CYP4F11: variants seen among roughly 807,000 people sequenced by gnomAD.
CYP4F11 encodes the protein cytochrome P450 4F11.
CYP4F11 carries 79 observed loss-of-function variants against 62.2 expected under a neutral mutation model. That is an observed-to-expected ratio of 1.27 (90% CI 1.06 to 1.53). The LOEUF (loss-of-function observed/expected upper bound fraction) is 1.53, where lower values mean the gene tolerates loss of function less well. Among genes scored for constraint, CYP4F11 ranks in the 40% most tolerant of loss-of-function variants. The pLI is 0.00. For synonymous variants in CYP4F11, 290 were observed against 263.7 expected (o/e 1.10, Z -0.97); for missense variants, 777 against 680.5 (o/e 1.14, Z -1.58).
intron 4 of CYP4F11, among the ~76,000 whole-genome samples, chr19:15,926,961 T>C (rs536468374): frequency 6.6e-6 from 1 of 152,370 alleles, no homozygotes; most frequent in African/African-American, 2.4e-5. Flanking sequence ...ATCTTTACTC[T>C]CTTGAGTTTG....
rs2089757682 is a variant in CYP4F11 at position 15,934,234 on chromosome 19, A to G, written c.175T>C (p.Trp59Arg). ...QCFPQPPKQN[W>R]FWGHQGLVTP... The stretch of plus-strand genomic sequence containing the variant: ...ACCAGGCCCTGGTGTCCCCAAAACC[A>G]GTTCTGTTTCGGGGGTTGAGGAAAA... The change falls in exon 1 of 12, where the codon TGG (tryptophan) becomes CGG (arginine). Residue 59 changes from tryptophan to arginine, a missense_variant. Coordinates refer to ENST00000402119, the MANE Select transcript of CYP4F11 (RefSeq NM_021187.4). 1 of 1,613,482 alleles carries G rather than the reference A, an allele frequency of 6.2e-7. No homozygotes were observed. Among genetic ancestry groups the G allele is most frequent in the South Asian group, 1.1e-5 (1 of 91,030 alleles).
intron 6 of CYP4F11, among the ~76,000 whole-genome samples, chr19:15,923,402 A>C (rs2145047367): frequency 6.6e-6 from 1 of 152,214 alleles, no homozygotes; most frequent in East Asian, 1.9e-4. Context: ...GTGTATTTAC[A>C]GGTAAAAACA....
At chr19:15,920,232 A>G (rs1342437091) in intron 8 of CYP4F11, among the ~76,000 whole-genome samples, 1 of 152,190 alleles carries the variant, frequency 6.6e-6, no homozygotes, top group Non-Finnish European at 1.5e-5. Flanking sequence ...TAAAAAACAA[A>G]CTCATTTTCT....
At chr19:15,927,608 GC>G in intron 2 of CYP4F11, 125 bp from the exon 3 acceptor site, 1 of 1,311,058 alleles carries the variant, frequency 7.6e-7, no homozygotes, top group African/African-American at 1.5e-5. Context: ...CAGGAAGAAG[GC>G]CAAGGGTAGA....
At position 15,929,591 on chromosome 19, in the gene CYP4F11, G is replaced by C; in HGVS notation, c.209C>G (p.Thr70Arg). 1 of 1,600,460 alleles carries C rather than the reference G, an allele frequency of 6.2e-7. No homozygotes were observed. Among genetic ancestry groups the C allele is most frequent in the Non-Finnish European group, 8.5e-7 (1 of 1,172,210 alleles). The change falls in exon 2 of 12, where the codon ACG (threonine) becomes AGG (arginine). Residue 70 changes from threonine to arginine, a missense_variant. By Grantham distance (71) the Thr-to-Arg change is moderately conservative (BLOSUM62 -1). Transcript: ENST00000402119. ...FWGHQGLVTP[T>R]EEGMKTLTQL... is the part of the protein sequence containing the mutation. The stretch of plus-strand genomic sequence containing the variant: ...GGTCAATGTCTTCATGCCCTCTTCC[G>C]TGGGAGTGACCTGAAAACAAGGCAG...
intron 6 of CYP4F11, 132 bp downstream of exon 6, chr19:15,923,680 T>C (rs2089646310): frequency 7.8e-7 from 1 of 1,280,858 alleles, no homozygotes; most frequent in Non-Finnish European, 1.1e-6. Context: ...CTCTCAAACC[T>C]ATCTCTGACC....
rs757838051 is a variant in CYP4F11, at chr19:15,927,270, T to C, written c.467A>G (p.His156Arg). The C allele has an allele frequency of 6.2e-7, 1 of 1,614,102 alleles. No individual in the cohort carries two copies. The highest frequency in any genetic ancestry group is 1.3e-5 in the African/African-American group (1 of 75,000). The change falls in exon 4 of 12, where the codon CAT (histidine) becomes CGT (arginine). Residue 156 changes from histidine to arginine, a missense_variant. Coordinates refer to ENST00000402119, the MANE Select transcript of CYP4F11 (RefSeq NM_021187.4). ...CATATAAGGCTTCAAGATGTTGAAA[T>C]GGAAGGCAGGCGTCAACATCCGACG... is the stretch of plus-strand genomic sequence containing the variant. Reference protein sequence around the residue: ...RHRRMLTPAFHFNILKPYMKI... With the variant: ...RHRRMLTPAFRFNILKPYMKI...
At chr19:15,916,208 T>C (rs1406849823) in intron 8 of CYP4F11, among the ~76,000 whole-genome samples, 1 of 152,152 alleles carries the variant, frequency 6.6e-6, no homozygotes, top group African/African-American at 2.4e-5. Flanking sequence ...CAATCACATA[T>C]TCAAGTCAAA....
rs750569824 is a variant in CYP4F11, at chr19:15,922,058, C to G, written c.1094G>C (p.Arg365Pro). ...TCACCATTCAATCTCTATAGGTTCACGGTCCTTCAGAAGCTCTTGCACTTC... is the reference window on the plus strand; with the variant it reads ...TCACCATTCAATCTCTATAGGTTCAGGGTCCTTCAGAAGCTCTTGCACTTC... ...RQEVQELLKD[R>P]EPIEIEWDDL... is the part of the protein sequence containing the mutation. The change falls in exon 8 of 12, where the codon CGT becomes CCT. Residue 365 changes from arginine to proline, a missense_variant. Coordinates refer to ENST00000402119, the MANE Select transcript of CYP4F11 (RefSeq NM_021187.4). The G allele has an allele frequency of 6.2e-7, 1 of 1,611,592 alleles. No individual in the cohort carries two copies. The highest frequency in any genetic ancestry group is 8.5e-7 in the Non-Finnish European group (1 of 1,178,636).
intron 6 of CYP4F11, among the ~76,000 whole-genome samples, chr19:15,922,891 T>TAA (rs11451979): frequency 5.3e-4 from 79 of 149,922 alleles, no homozygotes; most frequent in East Asian, 5.9e-4. Flanking sequence ...CCGTCCCTAC[T>TAA]AAAAAAAAAA....
At chr19:15,915,008 G>A (rs970489476) in intron 8 of CYP4F11, 113 bp from the exon 9 acceptor site, 68 of 1,468,974 alleles carry the variant, frequency 4.6e-5, no homozygotes, top group Non-Finnish European at 6.1e-5. Context: ...ATTCCACATG[G>A]ATGAAATACT....
rs1306585063 is a variant in CYP4F11 at position 15,922,449 on chromosome 19, A to C, written c.919-19T>G. 1 of 1,613,396 alleles carries C rather than the reference A, an allele frequency of 6.2e-7. No homozygotes were observed. The highest frequency in any genetic ancestry group is 1.7e-5 in the Admixed American group (1 of 60,024). On this transcript the variant is annotated intron_variant, in intron 6 of 11. Transcript: ENST00000402119. ...CTTCATCCTGGAGAGAAGGCAAGAC[A>C]ATATCCCTGCCCCAAATCACACCAG...
At position 15,927,353 on chromosome 19, in the gene CYP4F11, C is replaced by G; in HGVS notation, c.398-14G>C. On this transcript the variant is annotated splice_polypyrimidine_tract_variant and intron_variant, in intron 3 of 11. Transcript: ENST00000402119. The stretch of plus-strand genomic sequence containing the variant: ...GGAGCCCATCCCCTGGCAGGGCAAC[C>G]AAGGACAGTGGTCAAGGGCAGCACC... 6.2e-7 allele frequency: 1 copy of G among 1,613,748 alleles called. No individual in the cohort carries two copies. Among genetic ancestry groups the G allele is most frequent in the Non-Finnish European group, 8.5e-7 (1 of 1,179,916 alleles).
chr19:15,919,051 T>G (rs2089602744), intron 8 of CYP4F11, among the ~76,000 whole-genome samples: 1 of 150,328 alleles, frequency 6.7e-6, no homozygotes, highest in African/African-American at 2.4e-5. Flanking sequence ...GAAATACATA[T>G]TTCTATGTAT....
chr19:15,934,592 A>G (rs765144734), upstream of CYP4F11: 6 of 642,928 alleles, frequency 9.3e-6, no homozygotes, highest in Non-Finnish European at 1.5e-5. Context: ...CCAGCAGCCA[A>G]GTGGCCTCCA....
In CYP4F11 at chr19:15,914,621, G is replaced by T; in HGVS notation, c.1295C>A (p.Thr432Asn). ...INIIGIHYNP[T>N]VWPDPEVYDP... Reference sequence around the variant, plus strand: ...CACTACCTCAGGGTCTGGCCACACAGTTGGGTTGTAATGGATCCCGATAAT... The same window carrying T: ...CACTACCTCAGGGTCTGGCCACACATTTGGGTTGTAATGGATCCCGATAAT... Residue 432 changes from threonine to asparagine, a missense_variant, in exon 10 of 12, where the codon ACT becomes AAT. Thr to Asn is a moderately conservative substitution (Grantham distance 65). Transcript: ENST00000402119. 6.2e-7 allele frequency: 1 copy of T among 1,614,212 alleles called. No individual in the cohort carries two copies. Among genetic ancestry groups the T allele is most frequent in the Non-Finnish European group, 8.5e-7 (1 of 1,180,024 alleles).
At chr19:15,930,160 C>T (rs73524933) in intron 1 of CYP4F11, among the ~76,000 whole-genome samples, 2,562 of 152,232 alleles carry the variant, frequency 0.017, 64 homozygotes, top group African/African-American at 0.058. Context: ...ACCTCCCCAC[C>T]AGGAGCCACA....
upstream of CYP4F11, chr19:15,934,636 A>T (rs1599385707): frequency 5.9e-6 from 3 of 504,482 alleles, no homozygotes; most frequent in South Asian, 8.4e-5. Context: ...AGAGAGGCTG[A>T]TTAGAATCCA....
rs759347393 is a variant in CYP4F11 at position 15,922,157 on chromosome 19, G to T, written c.995C>A (p.Thr332Asn). 62 of 1,612,212 alleles carry T rather than the reference G, an allele frequency of 3.8e-5. No homozygotes were observed. The South Asian group carries it at 6.5e-4, about 17-fold the overall frequency. The change falls in exon 8 of 12, where the codon ACT (threonine) becomes AAT (asparagine). Residue 332 changes from threonine to asparagine, a missense_variant. Transcript: ENST00000402119. Reference sequence around the variant, plus strand: ...GACCCAGGAGAGACCACTGGCTGTAGTGTCATGGCCTGAGGGGCAGCCAAG... The same window carrying T: ...GACCCAGGAGAGACCACTGGCTGTATTGTCATGGCCTGAGGGGCAGCCAAG... The part of the protein sequence containing the change: ...ADTFMFEGHD[T>N]TASGLSWVLY...
Sources: gnomAD v4.1 joint callset for allele counts (sites outside exome capture counted in the v4.1 genomes callset) on GRCh38, gnomAD v4.1.1 for gene constraint, MANE v1.5 for transcripts, NCBI Gene and HGNC (gene_info 2026-07-23, HGNC 2026-07-21) for gene names.